The following SNTG2 variants were observed in gnomAD, a reference collection of about 807,000 sequenced individuals.
SNTG2 encodes the protein syntrophin gamma 2.
Under a neutral mutation model 70.9 loss-of-function variants are expected in SNTG2, and 74 were observed. The observed-to-expected ratio is 1.04, with a 90% confidence interval of 0.86 to 1.27. SNTG2 has a LOEUF of 1.27. SNTG2 is among the 50% of genes most tolerant of loss of function. The pLI is 0.00. For missense variants in SNTG2, 717 were observed against 690.7 expected (o/e 1.04, Z -0.43); for synonymous variants, 278 against 273.8 (o/e 1.02, Z -0.15).
chr2:1,141,633 T>C (rs4621188), intron 6 of SNTG2, among the ~76,000 whole-genome samples: 150,765 of 152,310 alleles, frequency 0.99, 74,636 homozygotes, highest in Middle Eastern at 1. Context: ...TCTTTCAAGT[T>C]TTCCCTACAG....
intron 1 of SNTG2, among the ~76,000 whole-genome samples, chr2:1,027,592 C>T (rs1391820962): frequency 6.0e-5 from 9 of 149,256 alleles, no homozygotes; most frequent in Non-Finnish European, 7.4e-5. Context: ...ACTGAAGGTG[C>T]GTCTGGCCCA....
At chr2:973,239 T>A (rs1197039703) in intron 1 of SNTG2, among the ~76,000 whole-genome samples, 1 of 152,250 alleles carries the variant, frequency 6.6e-6, no homozygotes, top group Non-Finnish European at 1.5e-5. Context: ...GATGCTGATC[T>A]GTTGCCAGTG....
At chr2:1,235,007 G>A (rs184617752) in intron 9 of SNTG2, among the ~76,000 whole-genome samples, 89 of 152,344 alleles carry the variant, frequency 5.8e-4, no homozygotes, top group African/African-American at 1.6e-3. Context: ...AGACACTGTC[G>A]TTAGTACATG....
intron 16 of SNTG2, among the ~76,000 whole-genome samples, chr2:1,316,999 TGTAGCATA>T: frequency 9.7e-6 from 1 of 102,604 alleles, no homozygotes; most frequent in Non-Finnish European, 2.1e-5. Flanking sequence ...TTCTGGAGCA[TGTAGCATA>T]TGGCCAGCAT....
At chr2:1,117,785 G>A (rs1013678485) in intron 4 of SNTG2, among the ~76,000 whole-genome samples, 2 of 152,176 alleles carry the variant, frequency 1.3e-5, no homozygotes, top group Admixed American at 6.5e-5. Flanking sequence ...TGCCATTCCC[G>A]GGTCTTTGCT....
intron 14 of SNTG2, among the ~76,000 whole-genome samples, chr2:1,301,292 G>T (rs912381006): frequency 3.9e-5 from 6 of 152,098 alleles, no homozygotes; most frequent in Non-Finnish European, 5.9e-5. Flanking sequence ...CTTACCCCGC[G>T]CCCTGCTGAG....
intron 1 of SNTG2, among the ~76,000 whole-genome samples, chr2:1,042,840 T>C (rs1471520469): frequency 1.3e-5 from 2 of 152,220 alleles, no homozygotes; most frequent in Non-Finnish European, 2.9e-5. Context: ...TAGACATGCA[T>C]GTGTCTTTAT....
At chr2:1,337,352 C>T (rs76460748) in intron 16 of SNTG2, among the ~76,000 whole-genome samples, 2,104 of 152,278 alleles carry the variant, frequency 0.014, 55 homozygotes, top group African/African-American at 0.048. Flanking sequence ...TCCACATCCT[C>T]AACAACACTT....
chr2:990,534 G>A (rs1270326822), intron 1 of SNTG2, among the ~76,000 whole-genome samples: 2 of 152,134 alleles, frequency 1.3e-5, no homozygotes, highest in Non-Finnish European at 2.9e-5. Context: ...CACATGAGGA[G>A]GCTCAACCTC....
chr2:1,351,181 G>A (rs1645196939), intron 16 of SNTG2, among the ~76,000 whole-genome samples: 1 of 151,788 alleles, frequency 6.6e-6, no homozygotes, highest in Non-Finnish European at 1.5e-5. Context: ...ACCTGACTCT[G>A]GAGCTACGGT....
chr2:1,166,839 A>G (rs1670740132), intron 7 of SNTG2, among the ~76,000 whole-genome samples: 1 of 152,210 alleles, frequency 6.6e-6, no homozygotes, highest in Admixed American at 6.5e-5. Flanking sequence ...GCGGAAGAGT[A>G]TGCTGACAGG....
At chr2:1,169,786 G>T (rs1021316004) in intron 7 of SNTG2, among the ~76,000 whole-genome samples, 1 of 152,148 alleles carries the variant, frequency 6.6e-6, no homozygotes, top group Non-Finnish European at 1.5e-5. Context: ...CACCCCACAC[G>T]TCCTCGGGCA....
chr2:1,070,669 C>T (rs1663472191), intron 1 of SNTG2, among the ~76,000 whole-genome samples: 1 of 152,186 alleles, frequency 6.6e-6, no homozygotes, highest in Admixed American at 6.5e-5. Context: ...AAAATCAAAT[C>T]TATCTTGCCT....
At chr2:1,150,885 C>T (rs1669437734) in intron 6 of SNTG2, among the ~76,000 whole-genome samples, 1 of 146,284 alleles carries the variant, frequency 6.8e-6, no homozygotes, top group Admixed American at 6.9e-5. Context: ...GCTGGGCTCC[C>T]TCCGTGTGCC....
chr2:1,259,615 C>T (rs954626077), intron 13 of SNTG2, among the ~76,000 whole-genome samples, 174 bp downstream of exon 13: 1 of 152,196 alleles, frequency 6.6e-6, no homozygotes, highest in African/African-American at 2.4e-5. Flanking sequence ...TGGGTTCTAG[C>T]TGTCACCCTG....
In SNTG2 at chr2:1,222,471, G is replaced by A. The variant is rs587681224; in HGVS notation, c.719+13241G>A. On this transcript the variant is annotated intron_variant, in intron 9 of 16. Coordinates refer to ENST00000308624, the MANE Select transcript of SNTG2 (RefSeq NM_018968.4). ...GGGGCTTCTTAAGCTGGAGGTGCTG[G>A]ATCGCTGTAGAGGAAAGTGGTGCAG... Among the ~76,000 whole-genome samples the A allele has an allele frequency of 2.0e-3, 292 of 142,766 alleles. 4 individuals carry two copies. The highest frequency in any genetic ancestry group is 7.1e-3 in the African/African-American group (264 of 37,056). 93.7% of individuals were successfully genotyped at this position (142,766 alleles called of 152,430 possible). A position where few individuals can be genotyped will look rare whatever the true frequency, so the allele number is the denominator to read the frequency against.
chr2:979,659 T>A (rs1184724000), intron 1 of SNTG2, among the ~76,000 whole-genome samples: 1 of 152,228 alleles, frequency 6.6e-6, no homozygotes, highest in East Asian at 1.9e-4. Flanking sequence ...CTGGTCTTTT[T>A]CTGCTCTCCT....
At chr2:1,143,443 C>T (rs1432396467) in intron 6 of SNTG2, among the ~76,000 whole-genome samples, 1 of 152,008 alleles carries the variant, frequency 6.6e-6, no homozygotes, top group African/African-American at 2.4e-5. Flanking sequence ...TAAACTCTAC[C>T]CACTAGGATT....
Position 1,156,856 on chromosome 2 carries a change from C to T in SNTG2, c.412-8692C>T, listed in dbSNP as rs537668546. ...AAGATGCTCAGAATAAAGATTCCAG[C>T]GCAGGGCGGCAACTCTTGGTGAAAC... On this transcript the variant is annotated intron_variant, in intron 6 of 16. Transcript: ENST00000308624. Among the ~76,000 whole-genome samples, 14 of 152,152 alleles carry T rather than the reference C, an allele frequency of 9.2e-5. No homozygotes were observed. In the South Asian group the frequency reaches 1.0e-3, roughly 11 times the overall value.
Sources: gnomAD v4.1 joint callset for allele counts (sites outside exome capture counted in the v4.1 genomes callset) on GRCh38, gnomAD v4.1.1 for gene constraint, MANE v1.5 for transcripts, NCBI Gene and HGNC (gene_info 2026-07-23, HGNC 2026-07-21) for gene names.